The following GRM5 variants were observed in gnomAD, a reference collection of about 807,000 sequenced individuals.
The protein encoded by GRM5 is glutamate metabotropic receptor 5.
A neutral mutation model predicts 83.1 loss-of-function variants in GRM5; 19 were observed. The observed-to-expected ratio is 0.23, with a 90% CI of 0.16 to 0.34. The LOEUF (loss-of-function observed/expected upper bound fraction) is 0.34. Among genes scored for constraint, GRM5 ranks in the 10% least tolerant of loss-of-function variants. The probability of loss-of-function intolerance (pLI) is 1.00; values close to 1 mark genes in which losing one functional copy is unlikely to be tolerated. For missense variants in GRM5, 1,160 were observed against 1,588.3 expected (o/e 0.73, Z 4.58); for synonymous variants, 675 against 633.6 (o/e 1.07, Z -0.98).
chr11:88,789,181 G>T (rs1487675237), intron 3 of GRM5, among the ~76,000 whole-genome samples: 2 of 152,110 alleles, frequency 1.3e-5, no homozygotes, highest in Admixed American at 1.3e-4. Flanking sequence ...ATCTGGATAT[G>T]AGTGAAATAA....
At chr11:88,849,788 TA>T in intron 3 of GRM5, 117 bp downstream of exon 3, 1 of 944,880 alleles carries the variant, frequency 1.1e-6, no homozygotes, top group Non-Finnish European at 1.6e-6. Flanking sequence ...ATTTAAGCTC[TA>T]TTTCCACTGC....
chr11:88,934,436 T>C (rs1455363512), intron 2 of GRM5, among the ~76,000 whole-genome samples: 1 of 151,868 alleles, frequency 6.6e-6, no homozygotes, highest in Non-Finnish European at 1.5e-5. Context: ...AAAATTTACA[T>C]GATGCATTTG....
intron 2 of GRM5, among the ~76,000 whole-genome samples, chr11:88,931,138 C>A (rs1242218626): frequency 2.0e-5 from 3 of 151,704 alleles, no homozygotes; most frequent in Non-Finnish European, 4.4e-5. Context: ...AAATGAAAAG[C>A]TTAAAACTTC....
intron 4 of GRM5, among the ~76,000 whole-genome samples, chr11:88,638,318 T>A (rs1328047781): frequency 5.3e-5 from 8 of 151,866 alleles, no homozygotes; most frequent in East Asian, 1.9e-4. Flanking sequence ...TAATAAAATT[T>A]AAAAAAAGGT....
Position 88,825,538 on chromosome 11 carries a change from G to C in GRM5, c.911+24368C>G, listed in dbSNP as rs542696783. Among the ~76,000 whole-genome samples the C allele has an allele frequency of 2.6e-5, 4 of 152,230 alleles. No individual in the cohort carries two copies. In the East Asian group the frequency reaches 7.7e-4, roughly 29 times the overall value. ...TTTTCTATGACTTTTATCAAGATGA[G>C]GGAATAGATATTTGACATACAGTGT... On this transcript the variant is annotated intron_variant, in intron 3 of 9. Transcript: ENST00000305447.
intron 3 of GRM5, among the ~76,000 whole-genome samples, chr11:88,817,998 T>C (rs1046717777): frequency 6.6e-6 from 1 of 152,104 alleles, no homozygotes; most frequent in African/African-American, 2.4e-5. Flanking sequence ...ACAGAATGCT[T>C]ATTACATGCT....
chr11:88,602,223 T>G (rs1338259559), intron 5 of GRM5, among the ~76,000 whole-genome samples: 1 of 152,208 alleles, frequency 6.6e-6, no homozygotes, highest in East Asian at 1.9e-4. Context: ...TGCAGAAATA[T>G]TAATGTGTTT....
chr11:88,901,483 T>G (rs1945315257), intron 2 of GRM5, among the ~76,000 whole-genome samples: 1 of 152,150 alleles, frequency 6.6e-6, no homozygotes, highest in Admixed American at 6.6e-5. Context: ...TGAAGTCGTT[T>G]CCAGCCTTCA....
intron 2 of GRM5, among the ~76,000 whole-genome samples, chr11:88,890,711 A>C (rs1945130392): frequency 6.6e-6 from 1 of 152,108 alleles, no homozygotes; most frequent in African/African-American, 2.4e-5. Flanking sequence ...AAGGCCTGGG[A>C]CACATGGAGT....
At chr11:88,751,088 A>AC (rs1207207813) in intron 3 of GRM5, among the ~76,000 whole-genome samples, 1 of 148,870 alleles carries the variant, frequency 6.7e-6, no homozygotes, top group Non-Finnish European at 1.5e-5. Context: ...AAAAAAAAAA[A>AC]AAAAAAACAA....
At chr11:88,909,335 C>T (rs548406868) in intron 2 of GRM5, among the ~76,000 whole-genome samples, 7 of 152,112 alleles carry the variant, frequency 4.6e-5, no homozygotes, top group African/African-American at 1.4e-4. Flanking sequence ...TACTTCCTCG[C>T]TCAAAGTGGC....
intron 8 of GRM5, among the ~76,000 whole-genome samples, chr11:88,527,524 C>G (rs934345611): frequency 2.6e-5 from 4 of 152,124 alleles, no homozygotes; most frequent in African/African-American, 9.7e-5. Flanking sequence ...CTGTGGAAAT[C>G]AGCTTGGCAA....
intron 3 of GRM5, among the ~76,000 whole-genome samples, chr11:88,791,232 G>C (rs1442533219): frequency 6.6e-6 from 1 of 152,190 alleles, no homozygotes; most frequent in Non-Finnish European, 1.5e-5. Context: ...GCAATGGTAA[G>C]ATAATGCACT....
chr11:88,858,631 C>A (rs1944511766), intron 2 of GRM5, among the ~76,000 whole-genome samples: 2 of 151,978 alleles, frequency 1.3e-5, no homozygotes, highest in South Asian at 4.1e-4. Context: ...GTTTGAGTGT[C>A]ATATTTGGTT....
At chr11:88,675,376 A>T (rs1453777880) in intron 3 of GRM5, among the ~76,000 whole-genome samples, 2 of 151,974 alleles carry the variant, frequency 1.3e-5, no homozygotes, top group African/African-American at 4.8e-5. Context: ...GAGAAGAAAG[A>T]CTATTATAAG....
chr11:89,045,833 T>C (rs1941630196), intron 2 of GRM5, among the ~76,000 whole-genome samples: 1 of 152,194 alleles, frequency 6.6e-6, no homozygotes, highest in Admixed American at 6.5e-5. Context: ...CTTTCTCACC[T>C]AGTCATATTT....
At chr11:88,726,162 G>C (rs192707425) in intron 3 of GRM5, among the ~76,000 whole-genome samples, 69 of 152,224 alleles carry the variant, frequency 4.5e-4, no homozygotes, top group African/African-American at 1.6e-3. Context: ...AGGAATTGCT[G>C]ACTAGAATAA....
At chr11:88,556,249 G>T (rs1240707734) in intron 8 of GRM5, among the ~76,000 whole-genome samples, 1 of 151,868 alleles carries the variant, frequency 6.6e-6, no homozygotes, top group Non-Finnish European at 1.5e-5. Flanking sequence ...GTGGGGTCAT[G>T]AGATGACCCC....
At chr11:88,693,170 CAT>C (rs1345196904) in intron 3 of GRM5, among the ~76,000 whole-genome samples, 1 of 151,414 alleles carries the variant, frequency 6.6e-6, no homozygotes, top group South Asian at 2.1e-4. Context: ...CAATTAAACA[CAT>C]GTGTTTTTGA....
Sources: allele counts gnomAD v4.1 joint callset (sites outside exome capture counted in the v4.1 genomes callset), GRCh38; gene constraint gnomAD v4.1.1; transcripts MANE v1.5; gene names NCBI Gene and HGNC (gene_info 2026-07-23, HGNC 2026-07-21).